Variants in MAPKAPK3 observed in about 807,000 individuals in gnomAD.
The protein encoded by MAPKAPK3 is MAPK activated protein kinase 3, also known as MAP kinase-activated protein kinase 3.
A neutral mutation model predicts 49.2 loss-of-function variants in MAPKAPK3; 35 were observed. That is an observed-to-expected ratio of 0.71 (90% CI 0.54 to 0.94). The LOEUF (loss-of-function observed/expected upper bound fraction) is 0.94, where lower values mean the gene tolerates loss of function less well. Ranked by LOEUF, MAPKAPK3 falls within the 40% of genes least tolerant of loss-of-function variation. The pLI, the probability that MAPKAPK3 is intolerant of heterozygous loss-of-function variation, is 0.00. For missense variants in MAPKAPK3, 398 were observed against 493.1 expected (o/e 0.81, Z 1.83); for synonymous variants, 178 against 188.7 (o/e 0.94, Z 0.46).
At chr3:50,618,588 G>A (rs1219870304) in intron 2 of MAPKAPK3, among the ~76,000 whole-genome samples, 2 of 152,184 alleles carry the variant, frequency 1.3e-5, no homozygotes, top group South Asian at 2.1e-4. Flanking sequence ...GTCATCTCTG[G>A]GGTCTTTACT....
At chr3:50,612,044 A>C in exon 1 of MAPKAPK3, 7 of 219,758 alleles carry the variant, frequency 3.2e-5, no homozygotes, top group East Asian at 9.4e-5. Flanking sequence ...GAGCTGACCA[A>C]TCGCGACGCT....
chr3:50,644,612 A>C, intron 6 of MAPKAPK3, 80 bp downstream of exon 6: 2 of 1,481,832 alleles, frequency 1.3e-6, no homozygotes, highest in Non-Finnish European at 1.8e-6. Context: ...GGGTTGCAGA[A>C]ACCAAAGGGT....
chr3:50,615,459 G>T (rs1458360485), upstream of MAPKAPK3, among the ~76,000 whole-genome samples: 4 of 126,336 alleles, frequency 3.2e-5, no homozygotes, highest in Non-Finnish European at 7.5e-5. Flanking sequence ...ACATGTGGCT[G>T]TGTGAGGAGC....
intron 8 of MAPKAPK3, 88 bp downstream of exon 8, chr3:50,646,352 G>A: frequency 5.7e-6 from 9 of 1,576,544 alleles, no homozygotes; most frequent in Non-Finnish European, 7.8e-6. Context: ...AAACTGACCT[G>A]TGTTCAAATC....
intron 6 of MAPKAPK3, among the ~76,000 whole-genome samples, chr3:50,645,231 C>T (rs2033263196): frequency 6.6e-6 from 1 of 152,160 alleles, no homozygotes; most frequent in Admixed American, 6.5e-5. Flanking sequence ...TAGAAATCTT[C>T]TAGCCTACCC....
chr3:50,626,187 C>T (rs1366422405), intron 2 of MAPKAPK3, among the ~76,000 whole-genome samples: 4 of 152,032 alleles, frequency 2.6e-5, no homozygotes, highest in African/African-American at 9.7e-5. Flanking sequence ...TTGTGTGGGA[C>T]TAGGCACAGT....
At chr3:50,630,633 G>A (rs774589300) in intron 2 of MAPKAPK3, among the ~76,000 whole-genome samples, 7 of 152,240 alleles carry the variant, frequency 4.6e-5, no homozygotes, top group African/African-American at 1.4e-4. Flanking sequence ...GACCAGGGGC[G>A]TGGGCCAAGC....
In MAPKAPK3 at chr3:50,617,540, CCGCCT is replaced by C; in HGVS notation, c.-24_-20del. The C allele has an allele frequency of 8.4e-7, 1 of 1,197,154 alleles. No individual in the cohort carries two copies. The highest frequency in any genetic ancestry group is 1.9e-5 in the Admixed American group (1 of 52,206). The allele number at this position is 1,197,154 out of a possible 1,614,324, so 74.2% of individuals were successfully genotyped here. A position where few individuals can be genotyped will look rare whatever the true frequency, so the allele number is the denominator to read the frequency against. Reference sequence around the variant, plus strand: ...TGCCACTAGAAGCGCCAGGCTGGGGCCGCCTCTGAGCGCCCCGCGGGGGCCATGGA... The same window carrying C: ...TGCCACTAGAAGCGCCAGGCTGGGGCCTGAGCGCCCCGCGGGGGCCATGGA... On this transcript the variant is annotated 5_prime_UTR_variant, in exon 2 of 11. Coordinates refer to ENST00000621469, the MANE Select transcript of MAPKAPK3 (RefSeq NM_001243925.2).
At chr3:50,638,424 G>A (rs576967885) in intron 2 of MAPKAPK3, among the ~76,000 whole-genome samples, 2 of 152,272 alleles carry the variant, frequency 1.3e-5, no homozygotes, top group African/African-American at 4.8e-5. Context: ...AATTGTGCGG[G>A]CACTAACCTG....
At chr3:50,645,345 A>G (rs1044836186) in intron 6 of MAPKAPK3, among the ~76,000 whole-genome samples, 1 of 152,138 alleles carries the variant, frequency 6.6e-6, no homozygotes, top group Non-Finnish European at 1.5e-5. Context: ...GACCTAGGCT[A>G]TGCATTCAGG....
chr3:50,622,645 G>A (rs920251299), intron 2 of MAPKAPK3, among the ~76,000 whole-genome samples: 17 of 152,198 alleles, frequency 1.1e-4, no homozygotes, highest in Non-Finnish European at 4.4e-5. Context: ...TTCTCCACAG[G>A]AGAGGGGTTC....
intron 9 of MAPKAPK3, 120 bp from the exon 10 acceptor site, chr3:50,647,002 CT>C: frequency 9.3e-7 from 1 of 1,078,660 alleles, no homozygotes; most frequent in South Asian, 1.5e-5. Flanking sequence ...AGTGAGGCTC[CT>C]TCCCCACCCT....
chr3:50,611,946 C>G (rs542332876), exon 1 of MAPKAPK3: 47 of 421,692 alleles, frequency 1.1e-4, no homozygotes, highest in Non-Finnish European at 1.8e-4. Flanking sequence ...GCGCGGGCCC[C>G]GTCGCCGGGT....
chr3:50,647,488 G>T (rs1428079625), intron 10 of MAPKAPK3, among the ~76,000 whole-genome samples: 1 of 152,252 alleles, frequency 6.6e-6, no homozygotes, highest in Non-Finnish European at 1.5e-5. Flanking sequence ...AGGGTGGTCA[G>T]CCTGGTTTAG....
At chr3:50,619,624 A>G (rs2032559269) in intron 2 of MAPKAPK3, among the ~76,000 whole-genome samples, 1 of 152,060 alleles carries the variant, frequency 6.6e-6, no homozygotes, top group African/African-American at 2.4e-5. Flanking sequence ...GAGGCCAGAG[A>G]CCCACTTCTT....
chr3:50,640,538 C>G lies in MAPKAPK3; in HGVS notation c.359+33C>G, dbSNP rs755897736. On this transcript the variant is annotated intron_variant, in intron 3 of 10. Coordinates refer to ENST00000621469, the MANE Select transcript of MAPKAPK3 (RefSeq NM_001243925.2). Reference sequence around the variant, plus strand: ...GGCCTGCCCTGTCTCCACACCCCCTCGGCATCCCTGTGGCCCTCAGGCTCC... The same window carrying G: ...GGCCTGCCCTGTCTCCACACCCCCTGGGCATCCCTGTGGCCCTCAGGCTCC... 3.2e-6 allele frequency: 5 copies of G among 1,573,996 alleles called. No individual in the cohort carries two copies. In the African/African-American group the frequency reaches 5.4e-5, roughly 17 times the overall value.
intron 2 of MAPKAPK3, 53 bp downstream of exon 2, chr3:50,617,837 G>A: frequency 1.4e-6 from 2 of 1,425,486 alleles, no homozygotes; most frequent in Non-Finnish European, 9.9e-7. Flanking sequence ...CACAGCGGAA[G>A]CCTGTGAGTG....
At chr3:50,646,035 A>G (rs962147867) in intron 7 of MAPKAPK3, 105 bp from the exon 8 acceptor site, 6 of 1,407,788 alleles carry the variant, frequency 4.3e-6, no homozygotes, top group Admixed American at 2.0e-5. Context: ...TATTATTGCT[A>G]TGGTGTCTGG....
chr3:50,638,714 C>T (rs1029107752), intron 2 of MAPKAPK3, among the ~76,000 whole-genome samples: 1 of 152,226 alleles, frequency 6.6e-6, no homozygotes, highest in Non-Finnish European at 1.5e-5. Context: ...CTCTCTGGGA[C>T]ACTGCCCTGA....
Sources: gnomAD v4.1 joint callset for allele counts (sites outside exome capture counted in the v4.1 genomes callset) on GRCh38, gnomAD v4.1.1 for gene constraint, MANE v1.5 for transcripts, NCBI Gene and HGNC (gene_info 2026-07-23, HGNC 2026-07-21) for gene names.